Variants in TTLL11 observed in about 807,000 individuals in gnomAD.
TTLL11 encodes tubulin tyrosine ligase like 11, also known as tubulin polyglutamylase TTLL11.
In TTLL11, 42 loss-of-function variants were observed where a neutral mutation model predicts 51.7. The observed-to-expected ratio is 0.81, with a 90% CI of 0.64 to 1.05. The LOEUF is 1.05. Ranked by LOEUF, TTLL11 falls within the 50% of genes least tolerant of loss-of-function variation. The pLI is 0.00. For synonymous variants in TTLL11, 381 were observed against 383.5 expected, an observed-to-expected ratio of 0.99 and a Z score of 0.08; for missense variants, 799 against 940.4, an observed-to-expected ratio of 0.85 and a Z score of 1.97.
intron 6 of TTLL11, 58 bp from the exon 7 acceptor site, chr9:121,870,806 T>A: frequency 6.8e-7 from 1 of 1,470,054 alleles, no homozygotes; most frequent in Non-Finnish European, 9.0e-7. Flanking sequence ...CTCCTTTACT[T>A]GAGATTTACA....
At chr9:121,912,980 C>A (rs1485011271) in intron 6 of TTLL11, among the ~76,000 whole-genome samples, 1 of 152,062 alleles carries the variant, frequency 6.6e-6, no homozygotes, top group Non-Finnish European at 1.5e-5. Flanking sequence ...CACAAACCCA[C>A]AGTGACTCTG....
intron 6 of TTLL11, among the ~76,000 whole-genome samples, chr9:121,949,428 G>A (rs1270471153): frequency 6.6e-6 from 1 of 152,200 alleles, no homozygotes. Context: ...TTAGTTGGAT[G>A]ACTAAGACAC....
intron 3 of TTLL11, among the ~76,000 whole-genome samples, chr9:122,020,895 A>G (rs1158628499): frequency 6.6e-6 from 1 of 152,230 alleles, no homozygotes; most frequent in East Asian, 1.9e-4. Flanking sequence ...GTGAGAAAAA[A>G]AAGTTTGTTA....
At position 121,995,964 on chromosome 9, in the gene TTLL11, G is replaced by A. The variant is rs925437510; in HGVS notation, c.694-6194C>T. On this transcript the variant is annotated intron_variant, in intron 3 of 8. Coordinates refer to ENST00000321582, the MANE Select transcript of TTLL11 (RefSeq NM_001139442.2). This position sits in a 1 kb window ranked among gnomAD's most constrained non-coding sequence, Gnocchi z 4.4. Reference sequence around the variant, plus strand: ...GAGAAGTAGTGCCTGCCACTGTGCAGGCAAACATTTTCAGCACTCCCTGGC... The same window carrying A: ...GAGAAGTAGTGCCTGCCACTGTGCAAGCAAACATTTTCAGCACTCCCTGGC... 3.9e-5 allele frequency among the ~76,000 whole-genome samples: 6 copies of A among 152,188 alleles called. No individual in the cohort carries two copies. The highest frequency in any genetic ancestry group is 2.9e-5 in the Non-Finnish European group (2 of 68,030).
chr9:122,047,550 G>A (rs4993427), intron 1 of TTLL11, among the ~76,000 whole-genome samples: 6,078 of 151,932 alleles, frequency 0.04, 256 homozygotes, highest in Admixed American at 0.12. Context: ...TGAACCCAGC[G>A]ACCCAGCTGG....
intron 6 of TTLL11, among the ~76,000 whole-genome samples, chr9:121,945,336 G>T (rs1417629716): frequency 6.6e-6 from 1 of 152,208 alleles, no homozygotes; most frequent in African/African-American, 2.4e-5. Flanking sequence ...GCCAGGATGG[G>T]CTGTGAAAAT....
At chr9:122,087,614 G>T (rs1179574504) in intron 1 of TTLL11, among the ~76,000 whole-genome samples, 2 of 152,086 alleles carry the variant, frequency 1.3e-5, no homozygotes, top group Non-Finnish European at 2.9e-5. Context: ...CACATTAGCT[G>T]GTGGCCATGG....
intron 1 of TTLL11, among the ~76,000 whole-genome samples, chr9:122,061,443 T>C (rs995785513): frequency 2.6e-5 from 4 of 152,194 alleles, no homozygotes; most frequent in Non-Finnish European, 4.4e-5. Context: ...AGCATCCTTA[T>C]TGTATCTCAT....
chr9:121,992,220 G>A (rs991255900), intron 3 of TTLL11, among the ~76,000 whole-genome samples: 3 of 152,106 alleles, frequency 2.0e-5, no homozygotes, highest in African/African-American at 7.2e-5. Context: ...CCTCACAATT[G>A]TTCAGAACGT....
chr9:122,004,121 CA>C (rs540916193), intron 3 of TTLL11, among the ~76,000 whole-genome samples: 344 of 147,840 alleles, frequency 2.3e-3, no homozygotes, highest in Non-Finnish European at 3.8e-3. Flanking sequence ...GACTCCATCT[CA>C]AAAAAAAATA....
At chr9:121,897,082 TCAGC>T (rs1485784038) in intron 6 of TTLL11, among the ~76,000 whole-genome samples, 2 of 152,142 alleles carry the variant, frequency 1.3e-5, no homozygotes, top group African/African-American at 4.8e-5. Flanking sequence ...ACTAAGAATG[TCAGC>T]CAGCCAGCCA....
At chr9:121,982,514 C>CA (rs1842847871) in intron 4 of TTLL11, among the ~76,000 whole-genome samples, 1 of 152,012 alleles carries the variant, frequency 6.6e-6, no homozygotes, top group African/African-American at 2.4e-5. Context: ...GTCAGGAGTT[C>CA]AAGACCAGCC....
At chr9:122,029,695 C>T (rs1271741220) in intron 3 of TTLL11, among the ~76,000 whole-genome samples, 6 of 151,940 alleles carry the variant, frequency 3.9e-5, no homozygotes, top group Admixed American at 2.0e-4. Context: ...GCTAATTTAT[C>T]GAAGAAAATT....
chr9:122,054,307 G>A (rs1845237800), intron 1 of TTLL11, among the ~76,000 whole-genome samples: 1 of 152,092 alleles, frequency 6.6e-6, no homozygotes. Context: ...CCCATTAGTA[G>A]GAGGGGAAGA....
chr9:121,994,653 C>A (rs56762192), intron 3 of TTLL11, among the ~76,000 whole-genome samples: 5,260 of 152,166 alleles, frequency 0.035, 310 homozygotes, highest in African/African-American at 0.12. Context: ...TCAGGCCTAG[C>A]TAGGAAGTAA....
intron 4 of TTLL11, among the ~76,000 whole-genome samples, chr9:121,976,619 A>G (rs1469623855): frequency 6.6e-6 from 1 of 152,228 alleles, no homozygotes; most frequent in Non-Finnish European, 1.5e-5. Flanking sequence ...TTACTAGTCT[A>G]TATAGAATAT....
chr9:122,008,542 C>T (rs1009584147), intron 3 of TTLL11, among the ~76,000 whole-genome samples: 1 of 152,142 alleles, frequency 6.6e-6, no homozygotes, highest in Non-Finnish European at 1.5e-5. Context: ...CCTGTTAGAA[C>T]AGCTATTATC....
At chr9:121,855,243 C>T (rs1444596372) in intron 8 of TTLL11, among the ~76,000 whole-genome samples, 1 of 152,100 alleles carries the variant, frequency 6.6e-6, no homozygotes, top group Non-Finnish European at 1.5e-5. Flanking sequence ...ATGGAAGTGT[C>T]TCATGAACCC....
At chr9:121,834,589 G>A (rs1837128716) in intron 8 of TTLL11, among the ~76,000 whole-genome samples, 1 of 152,056 alleles carries the variant, frequency 6.6e-6, no homozygotes, top group Non-Finnish European at 1.5e-5. Context: ...AGCACTTTGG[G>A]AGGCCAAAGC....
Sources: allele counts gnomAD v4.1 joint callset (sites outside exome capture counted in the v4.1 genomes callset), GRCh38; gene constraint gnomAD v4.1.1; non-coding constraint Gnocchi (gnomAD v3.1); transcripts MANE v1.5; gene names NCBI Gene and HGNC (gene_info 2026-07-23, HGNC 2026-07-21).